The following MBNL2 variants were observed in gnomAD, a reference collection of about 807,000 sequenced individuals.
MBNL2 encodes the protein muscleblind-like protein 2.
In MBNL2, 17 loss-of-function variants were observed where a neutral mutation model predicts 41.9. The observed-to-expected ratio is 0.41, with a 90% CI of 0.28 to 0.61. The LOEUF (loss-of-function observed/expected upper bound fraction) is 0.61. Among genes scored for constraint, MBNL2 ranks in the 20% least tolerant of loss-of-function variants. The pLI is 0.35. For synonymous variants in MBNL2, 195 were observed against 182.9 expected, an observed-to-expected ratio of 1.07 and a Z score of -0.53; for missense variants, 336 against 505.6, an observed-to-expected ratio of 0.66 and a Z score of 3.22.
chr13:97,341,551 C>T (rs552949631), intron 3 of MBNL2, among the ~76,000 whole-genome samples: 1 of 152,310 alleles, frequency 6.6e-6, no homozygotes, highest in African/African-American at 2.4e-5. Flanking sequence ...CTATTTCCCA[C>T]ATTCAGACCT....
intron 8 of MBNL2, among the ~76,000 whole-genome samples, chr13:97,388,730 T>G (rs1035290957): frequency 6.6e-6 from 1 of 152,120 alleles, no homozygotes; most frequent in African/African-American, 2.4e-5. Flanking sequence ...CCCTGTTCTG[T>G]CTATATCTCC....
chr13:97,391,668 C>T lies in MBNL2; in HGVS notation c.*219C>T. Reference sequence around the variant, plus strand: ...TAGGAATATTGTCTTATCTCCATAACTATAGCTGATGCAGAAAGTCCAGCC... The same window carrying T: ...TAGGAATATTGTCTTATCTCCATAATTATAGCTGATGCAGAAAGTCCAGCC... On this transcript the variant is annotated 3_prime_UTR_variant, in exon 9 of 9. Transcript: ENST00000679496. 1 of 417,940 alleles carries T rather than the reference C, an allele frequency of 2.4e-6. No individual in the cohort carries two copies. The allele number at this position is 417,940 out of a possible 1,614,324, so 25.9% of individuals were successfully genotyped here.
At chr13:97,287,055 G>GCTGA (rs368466273) in intron 2 of MBNL2, among the ~76,000 whole-genome samples, 13 of 152,098 alleles carry the variant, frequency 8.5e-5, no homozygotes, top group Non-Finnish European at 1.5e-5. Flanking sequence ...CGCTTTTCTG[G>GCTGA]CTGACTATTA....
chr13:97,362,185 G>A (rs1178009766), intron 7 of MBNL2, among the ~76,000 whole-genome samples: 1 of 152,026 alleles, frequency 6.6e-6, no homozygotes, highest in South Asian at 2.1e-4. Context: ...TACATTAACA[G>A]TTGAGCATCC....
the MBNL2 span, among the ~76,000 whole-genome samples, chr13:97,203,069 A>C: frequency 5.5e-3 from 839 of 152,270 alleles, 6 homozygotes; most frequent in African/African-American, 0.019. Flanking sequence ...TAATGGGTAG[A>C]CCAGAAGGAT....
At chr13:97,385,214 G>C (rs930663740) in intron 8 of MBNL2, among the ~76,000 whole-genome samples, 5 of 152,148 alleles carry the variant, frequency 3.3e-5, no homozygotes, top group African/African-American at 1.2e-4. Flanking sequence ...GGGCTATAAA[G>C]ATGAATGAGA....
chr13:97,182,948 C>T, the MBNL2 span, among the ~76,000 whole-genome samples: 1 of 152,120 alleles, frequency 6.6e-6, no homozygotes, highest in Non-Finnish European at 1.5e-5. Context: ...ATATCTACTG[C>T]TATGTTTGGA....
intron 8 of MBNL2, among the ~76,000 whole-genome samples, chr13:97,374,242 G>A (rs529881788): frequency 6.6e-6 from 1 of 151,814 alleles, no homozygotes; most frequent in East Asian, 1.9e-4. Flanking sequence ...CCGCCTCCCG[G>A]GTTCACGCCA....
intron 2 of MBNL2, among the ~76,000 whole-genome samples, chr13:97,316,291 C>T (rs1231702958): frequency 1.3e-5 from 2 of 152,198 alleles, no homozygotes; most frequent in Admixed American, 6.5e-5. Flanking sequence ...TCTGAGCCAC[C>T]GTCTTCTTCC....
the MBNL2 span, among the ~76,000 whole-genome samples, chr13:97,192,005 C>G: frequency 6.6e-6 from 1 of 152,166 alleles, no homozygotes; most frequent in Non-Finnish European, 1.5e-5. Context: ...TTATTCTCTG[C>G]TGTAGCTATG....
chr13:97,147,854 C>T, the MBNL2 span, among the ~76,000 whole-genome samples: 1 of 152,068 alleles, frequency 6.6e-6, no homozygotes, highest in African/African-American at 2.4e-5. Context: ...AAGTGGGTTC[C>T]AGAGTTAGGG....
chr13:97,338,287 A>C (rs1566425871), intron 3 of MBNL2, among the ~76,000 whole-genome samples: 1 of 151,538 alleles, frequency 6.6e-6, no homozygotes, highest in Non-Finnish European at 1.5e-5. Context: ...ACATTAACTC[A>C]CCTCATTCAT....
At chr13:97,229,323 A>C (rs2042075984) in intron 1 of MBNL2, among the ~76,000 whole-genome samples, 1 of 151,650 alleles carries the variant, frequency 6.6e-6, no homozygotes, top group Non-Finnish European at 1.5e-5. Context: ...GAATGGATGT[A>C]TTTGGTCTGG....
Position 97,366,185 on chromosome 13 carries a change from G to T in MBNL2, c.1048+1014G>T, listed in dbSNP as rs1203700754. On this transcript the variant is annotated intron_variant, in intron 8 of 8. Coordinates refer to ENST00000679496, the MANE Select transcript of MBNL2 (RefSeq NM_001382683.1). The surrounding 1 kb of genome is among the most constrained non-coding windows in gnomAD (Gnocchi z 4.7). ...ATGGATCTATTGTTAGAAATAAAAT[G>T]TTTATAAATACATCAACCAAAGTAA... is the stretch of plus-strand genomic sequence containing the variant. 2.0e-5 allele frequency among the ~76,000 whole-genome samples: 3 copies of T among 152,172 alleles called. No homozygotes were observed. Among genetic ancestry groups the T allele is most frequent in the African/African-American group, 4.8e-5 (2 of 41,446 alleles).
chr13:97,257,707 G>A (rs1396249927), intron 1 of MBNL2, among the ~76,000 whole-genome samples: 1 of 152,210 alleles, frequency 6.6e-6, no homozygotes, highest in Admixed American at 6.5e-5. Context: ...GGCCCAGGGA[G>A]CTCCATGTAA....
intron 1 of MBNL2, among the ~76,000 whole-genome samples, chr13:97,230,039 T>G (rs547870710): frequency 1.1e-4 from 16 of 152,348 alleles, no homozygotes; most frequent in Non-Finnish European, 2.2e-4. Context: ...GGCTCACGCC[T>G]GTAATCCCAG....
chr13:97,375,892 G>T (rs1214810645), intron 8 of MBNL2, among the ~76,000 whole-genome samples: 1 of 152,162 alleles, frequency 6.6e-6, no homozygotes, highest in Non-Finnish European at 1.5e-5. Flanking sequence ...GCCAGCGAGT[G>T]GGGTGAGTGG....
the MBNL2 span, among the ~76,000 whole-genome samples, chr13:97,154,707 T>C: frequency 2.0e-5 from 3 of 152,276 alleles, no homozygotes; most frequent in Admixed American, 6.5e-5. Flanking sequence ...ATTTGAGTCT[T>C]ACTCTGCCTT....
the MBNL2 span, among the ~76,000 whole-genome samples, chr13:97,159,727 C>A: frequency 1.3e-5 from 2 of 151,398 alleles, no homozygotes; most frequent in Non-Finnish European, 2.9e-5. Context: ...TATTGGCCCC[C>A]ACTCTCTTCT....
Sources: gnomAD v4.1 joint callset for allele counts (sites outside exome capture counted in the v4.1 genomes callset) on GRCh38, gnomAD v4.1.1 for gene constraint, Gnocchi (gnomAD v3.1) non-coding constraint, MANE v1.5 for transcripts, NCBI Gene and HGNC (gene_info 2026-07-23, HGNC 2026-07-21) for gene names.